VEPH1: variants seen among roughly 807,000 people sequenced by gnomAD.
VEPH1 encodes ventricular zone expressed PH domain containing 1.
VEPH1 carries 80 observed loss-of-function variants against 85.2 expected under a neutral mutation model. That is an observed-to-expected ratio of 0.94 (90% CI 0.78 to 1.13). The LOEUF is 1.13. VEPH1 is among the 50% of genes most tolerant of loss of function. The pLI, the probability that VEPH1 is intolerant of heterozygous loss-of-function variation, is 0.00. For missense variants in VEPH1, 955 were observed against 980.5 expected (o/e 0.97, Z 0.35); for synonymous variants, 297 against 348.0 (o/e 0.85, Z 1.63).
intron 11 of VEPH1, among the ~76,000 whole-genome samples, chr3:157,298,719 A>T (rs1253144845): frequency 1.3e-5 from 2 of 152,210 alleles, no homozygotes; most frequent in Non-Finnish European, 2.9e-5. Context: ...ACCAAAAATT[A>T]TATTGAATGA....
At chr3:157,498,566 G>T (rs1268637142) in intron 1 of VEPH1, among the ~76,000 whole-genome samples, 1 of 152,166 alleles carries the variant, frequency 6.6e-6, no homozygotes, top group Non-Finnish European at 1.5e-5. Flanking sequence ...ATTGAAGGCA[G>T]CTGGTCTCCC....
intron 11 of VEPH1, among the ~76,000 whole-genome samples, chr3:157,302,885 G>T (rs1277105505): frequency 6.6e-6 from 1 of 151,346 alleles, no homozygotes; most frequent in Non-Finnish European, 1.5e-5. Flanking sequence ...TCACTTTTGG[G>T]TAGGTGTGAC....
At chr3:157,387,756 T>C (rs190927539) in intron 6 of VEPH1, among the ~76,000 whole-genome samples, 47 of 152,346 alleles carry the variant, frequency 3.1e-4, no homozygotes, top group Middle Eastern at 3.4e-3. Context: ...CTGTTAAAAC[T>C]ATTCTAATGC....
intron 12 of VEPH1, among the ~76,000 whole-genome samples, chr3:157,284,287 A>G (rs142080273): frequency 6.6e-6 from 1 of 152,206 alleles, no homozygotes; most frequent in Non-Finnish European, 1.5e-5. Context: ...ATTTTTTCGA[A>G]TACACCTTTT....
chr3:157,486,294 A>C (rs1240558535), intron 2 of VEPH1, among the ~76,000 whole-genome samples: 1 of 151,934 alleles, frequency 6.6e-6, no homozygotes, highest in Admixed American at 6.6e-5. Context: ...TCAGGAGTTC[A>C]AGACAAGCCT....
At chr3:157,430,128 T>C (rs564372836) in intron 4 of VEPH1, among the ~76,000 whole-genome samples, 53 of 152,334 alleles carry the variant, frequency 3.5e-4, no homozygotes, top group African/African-American at 1.2e-3. Flanking sequence ...CCAACCAGAT[T>C]TGTCAAAACT....
intron 12 of VEPH1, chr3:157,285,338 C>A (rs913126315): frequency 6.6e-6 from 1 of 152,234 alleles, no homozygotes; most frequent in Non-Finnish European, 1.5e-5. Flanking sequence ...GCCATCCGCA[C>A]CTTTTCCGTG....
At chr3:157,355,352 T>C (rs939821238) in intron 9 of VEPH1, among the ~76,000 whole-genome samples, 1 of 152,218 alleles carries the variant, frequency 6.6e-6, no homozygotes, top group Non-Finnish European at 1.5e-5. Context: ...AAGGCATAAA[T>C]GAGCATGGCA....
Position 157,495,267 on chromosome 3 carries a change from A to G in VEPH1, c.83T>C (p.Ile28Thr), listed in dbSNP as rs762200732. Residue 28 changes from isoleucine (I) to threonine (T), a missense_variant, in exon 2 of 14, where the codon ATT becomes ACT. Coordinates refer to ENST00000362010, the MANE Select transcript of VEPH1 (RefSeq NM_001167912.2). ...CAAAGCTTCTGTAAGGCTGTCTTCA[A>G]TCTCAGAGTCATCTAAGGAGAAGAG... The part of the protein sequence containing the change: ...GDLFSLDDSE[I>T]EDSLTEALEQ... The G allele has an allele frequency of 6.8e-6, 11 of 1,614,078 alleles. No individual in the cohort carries two copies. The South Asian group carries it at 7.7e-5, about 11-fold the overall frequency.
chr3:157,412,326 G>A (rs574804823), intron 6 of VEPH1, among the ~76,000 whole-genome samples: 3 of 152,120 alleles, frequency 2.0e-5, no homozygotes, highest in Non-Finnish European at 2.9e-5. Flanking sequence ...ACTGCATGTG[G>A]CTACTGTTTT....
chr3:157,311,315 C>T (rs1720082769), intron 11 of VEPH1, among the ~76,000 whole-genome samples: 2 of 152,168 alleles, frequency 1.3e-5, no homozygotes, highest in South Asian at 2.1e-4. Context: ...GTGTGCATTT[C>T]GCTGCAGTGA....
intron 2 of VEPH1, among the ~76,000 whole-genome samples, chr3:157,491,553 T>A (rs1359023628): frequency 3.3e-5 from 5 of 152,230 alleles, no homozygotes; most frequent in African/African-American, 1.2e-4. Context: ...TAGTAACTGG[T>A]AGAAAAAGAG....
intron 12 of VEPH1, among the ~76,000 whole-genome samples, chr3:157,270,700 C>A (rs558767698): frequency 6.6e-6 from 1 of 151,898 alleles, no homozygotes; most frequent in Non-Finnish European, 1.5e-5. Flanking sequence ...CCACCCACCC[C>A]GTATGTATTT....
At chr3:157,298,780 T>C (rs1177159320) in intron 11 of VEPH1, among the ~76,000 whole-genome samples, 1 of 151,920 alleles carries the variant, frequency 6.6e-6, no homozygotes, top group Non-Finnish European at 1.5e-5. Context: ...TAGGAAATAG[T>C]TTTTTTTACT....
intron 4 of VEPH1, among the ~76,000 whole-genome samples, chr3:157,447,840 C>T (rs1352926025): frequency 2.6e-5 from 4 of 152,032 alleles, no homozygotes. Flanking sequence ...AGTGATCTGC[C>T]CATCTCAGCC....
intron 11 of VEPH1, among the ~76,000 whole-genome samples, chr3:157,288,222 G>A (rs1717029486): frequency 6.6e-6 from 1 of 152,186 alleles, no homozygotes; most frequent in African/African-American, 2.4e-5. Flanking sequence ...GGCCTTGCAT[G>A]TACCCAGCCA....
chr3:157,377,916 CT>C (rs1283128333), intron 7 of VEPH1, among the ~76,000 whole-genome samples: 1 of 152,028 alleles, frequency 6.6e-6, no homozygotes, highest in Non-Finnish European at 1.5e-5. Context: ...AATATTTTTT[CT>C]CTTTATATAA....
chr3:157,421,073 T>C (rs1732297500), intron 5 of VEPH1, among the ~76,000 whole-genome samples: 1 of 152,128 alleles, frequency 6.6e-6, no homozygotes, highest in Admixed American at 6.5e-5. Flanking sequence ...ACTGCCTCCT[T>C]CCATCTGGCA....
chr3:157,437,564 T>G, intron 4 of VEPH1: 1 of 1,602,664 alleles, frequency 6.2e-7, no homozygotes, highest in Non-Finnish European at 8.5e-7. Flanking sequence ...AAGCTCTTCA[T>G]CATGCTGGAG....
Sources: allele counts gnomAD v4.1 joint callset (sites outside exome capture counted in the v4.1 genomes callset), GRCh38; gene constraint gnomAD v4.1.1; transcripts MANE v1.5; gene names NCBI Gene and HGNC (gene_info 2026-07-23, HGNC 2026-07-21).